KANSL1: variants seen among roughly 807,000 people sequenced by gnomAD.
KANSL1 encodes MLL1/MLL complex subunit KANSL1.
Under a neutral mutation model 103.6 loss-of-function variants are expected in KANSL1, and 22 were observed. The ratio of observed to expected loss-of-function variants is 0.21; its 90% CI spans 0.15 to 0.30. KANSL1 has a LOEUF of 0.30. KANSL1 is among the 10% of genes least tolerant of loss of function. The probability of loss-of-function intolerance (pLI) is 1.00; values close to 1 mark genes in which losing one functional copy is unlikely to be tolerated. For missense variants in KANSL1, 1,337 were observed against 1,399.8 expected, an observed-to-expected ratio of 0.96 and a Z score of 0.72; for synonymous variants, 600 against 527.6, an observed-to-expected ratio of 1.14 and a Z score of -1.88.
At chr17:46,088,128 C>T (rs2079235187) in intron 3 of KANSL1, among the ~76,000 whole-genome samples, 1 of 152,228 alleles carries the variant, frequency 6.6e-6, no homozygotes, top group South Asian at 2.1e-4. Flanking sequence ...AAGAGTGAAG[C>T]AAGCTTCTGC....
chr17:46,151,013 CAAGTT>C (rs1305887847), intron 2 of KANSL1, among the ~76,000 whole-genome samples: 3 of 151,264 alleles, frequency 2.0e-5, no homozygotes. Context: ...ATAACATAGA[CAAGTT>C]CAGTCTACTG....
intron 1 of KANSL1, among the ~76,000 whole-genome samples, chr17:46,203,746 A>G (rs1186495480): frequency 6.6e-6 from 1 of 152,266 alleles, no homozygotes; most frequent in African/African-American, 2.4e-5. Flanking sequence ...TATTTATGGC[A>G]TAACCAAAAT....
intron 2 of KANSL1, among the ~76,000 whole-genome samples, chr17:46,125,015 AAG>A (rs1183393966): frequency 7.0e-4 from 93 of 133,002 alleles, no homozygotes; most frequent in South Asian, 1.5e-3. Flanking sequence ...AAGGGAAGGG[AAG>A]GGAAGGGAGG....
chr17:46,122,712 A>T (rs112560196), intron 2 of KANSL1, among the ~76,000 whole-genome samples: 21,691 of 152,080 alleles, frequency 0.14, 2,122 homozygotes, highest in Non-Finnish European at 0.22. Flanking sequence ...TGTCCATGTG[A>T]CACATTTGGG....
chr17:46,167,316 AAAG>A (rs1342803678), intron 2 of KANSL1, among the ~76,000 whole-genome samples: 1 of 152,234 alleles, frequency 6.6e-6, no homozygotes, highest in East Asian at 1.9e-4. Flanking sequence ...AATATAAAAG[AAAG>A]AAGAGCAAGC....
intron 1 of KANSL1, among the ~76,000 whole-genome samples, chr17:46,189,009 G>T (rs1348578653): frequency 8.6e-6 from 1 of 116,682 alleles, no homozygotes; most frequent in Non-Finnish European, 1.6e-5. Context: ...CTCCAGCCTG[G>T]GCAACAGAGC....
At chr17:46,032,959 C>A in intron 13 of KANSL1, 121 bp downstream of exon 13, 1 of 705,950 alleles carries the variant, frequency 1.4e-6, no homozygotes. Flanking sequence ...TTTGCCACTG[C>A]CAGTAGATGA....
At chr17:46,124,589 T>C (rs1304912350) in intron 2 of KANSL1, among the ~76,000 whole-genome samples, 1 of 152,240 alleles carries the variant, frequency 6.6e-6, no homozygotes, top group Non-Finnish European at 1.5e-5. Flanking sequence ...TAGTGATTCT[T>C]CTGATGAATC....
intron 2 of KANSL1, among the ~76,000 whole-genome samples, chr17:46,125,421 T>C (rs2043508754): frequency 6.6e-6 from 1 of 152,202 alleles, no homozygotes; most frequent in Non-Finnish European, 1.5e-5. Flanking sequence ...TGATATTCAC[T>C]TTATTGCAGT....
intron 1 of KANSL1, among the ~76,000 whole-genome samples, chr17:46,209,587 G>A (rs1326457058): frequency 6.6e-6 from 1 of 152,092 alleles, no homozygotes; most frequent in South Asian, 2.1e-4. Flanking sequence ...TCTGTCTCCC[G>A]GGTTCAAGCC....
chr17:46,165,667 C>A (rs745343943), intron 2 of KANSL1, among the ~76,000 whole-genome samples: 1 of 151,716 alleles, frequency 6.6e-6, no homozygotes, highest in African/African-American at 2.4e-5. Flanking sequence ...TGCACCACCA[C>A]GCCTGGCTAA....
intron 8 of KANSL1, 142 bp downstream of exon 8, chr17:46,039,560 A>C: frequency 1.2e-6 from 1 of 861,740 alleles, no homozygotes; most frequent in Admixed American, 2.8e-5. Context: ...AGACAAGCAG[A>C]AGCAGTCACT....
intron 2 of KANSL1, among the ~76,000 whole-genome samples, chr17:46,136,015 A>C (rs941792979): frequency 1.3e-5 from 2 of 152,148 alleles, no homozygotes; most frequent in Admixed American, 1.3e-4. Context: ...AACTACTGAG[A>C]AGGTATCAAG....
At chr17:46,129,407 G>GTA (rs966721894) in intron 2 of KANSL1, among the ~76,000 whole-genome samples, 5 of 152,196 alleles carry the variant, frequency 3.3e-5, no homozygotes, top group African/African-American at 7.2e-5. Flanking sequence ...AAAATGGAAC[G>GTA]TATATATATA....
At chr17:46,118,623 T>C (rs1348246959) in intron 2 of KANSL1, among the ~76,000 whole-genome samples, 2 of 152,242 alleles carry the variant, frequency 1.3e-5, no homozygotes, top group Non-Finnish European at 2.9e-5. Context: ...TACACTTTGA[T>C]GGTCTAGAGA....
At chr17:46,073,737 G>T (rs1195429875) in intron 4 of KANSL1, among the ~76,000 whole-genome samples, 1 of 152,174 alleles carries the variant, frequency 6.6e-6, no homozygotes, top group African/African-American at 2.4e-5. Flanking sequence ...GAAAGATTTG[G>T]TGGAAGGAAA....
chr17:46,032,970 G>T, intron 13 of KANSL1, 110 bp downstream of exon 13: 1 of 779,236 alleles, frequency 1.3e-6, no homozygotes, highest in Non-Finnish European at 2.0e-6. Flanking sequence ...CAGTAGATGA[G>T]TATGATGAGC....
At chr17:46,219,754 A>G (rs1313533771) in intron 1 of KANSL1, among the ~76,000 whole-genome samples, 1 of 152,262 alleles carries the variant, frequency 6.6e-6, no homozygotes, top group Non-Finnish European at 1.5e-5. Context: ...CCAAGAGAAC[A>G]CATGTCCTAG....
chr17:46,073,407 A>C (rs2078647376), intron 4 of KANSL1, among the ~76,000 whole-genome samples: 1 of 152,086 alleles, frequency 6.6e-6, no homozygotes, highest in Non-Finnish European at 1.5e-5. Flanking sequence ...GCTAAACAAA[A>C]CCCTCCTTAA....
Sources: allele counts gnomAD v4.1 joint callset (sites outside exome capture counted in the v4.1 genomes callset), GRCh38; gene constraint gnomAD v4.1.1; transcripts MANE v1.5; gene names NCBI Gene and HGNC (gene_info 2026-07-23, HGNC 2026-07-21).